Variants in CTNNA3 observed in about 807,000 individuals in gnomAD.
CTNNA3 encodes the protein catenin alpha 3, also known as catenin alpha-3.
In CTNNA3, 76 loss-of-function variants were observed where a neutral mutation model predicts 95.7. The ratio of observed to expected loss-of-function variants is 0.79; its 90% CI spans 0.66 to 0.96. The LOEUF (loss-of-function observed/expected upper bound fraction) is 0.96. Ranked by LOEUF, CTNNA3 falls within the 40% of genes least tolerant of loss-of-function variation. The pLI, the probability that CTNNA3 is intolerant of heterozygous loss-of-function variation, is 0.00. For synonymous variants in CTNNA3, 431 were observed against 374.4 expected (o/e 1.15, Z -1.74); for missense variants, 1,191 against 1,089.8 (o/e 1.09, Z -1.31).
intron 2 of CTNNA3, among the ~76,000 whole-genome samples, chr10:67,613,918 C>T (rs1489546945): frequency 1.3e-5 from 2 of 152,094 alleles, no homozygotes; most frequent in African/African-American, 2.4e-5. Flanking sequence ...TTCGTGGTCT[C>T]GCTGACTTCA....
At chr10:67,058,584 A>G (rs1564861296) in intron 7 of CTNNA3, among the ~76,000 whole-genome samples, 1 of 152,166 alleles carries the variant, frequency 6.6e-6, no homozygotes. Context: ...TATCATTCAC[A>G]TCCTCCATTG....
chr10:67,091,476 A>G (rs1857634711), intron 7 of CTNNA3, among the ~76,000 whole-genome samples: 1 of 152,042 alleles, frequency 6.6e-6, no homozygotes, highest in Admixed American at 6.6e-5. Flanking sequence ...ATAATGCTTC[A>G]GACATGACCA....
chr10:66,848,202 G>T (rs186282055), intron 7 of CTNNA3, among the ~76,000 whole-genome samples: 306 of 152,242 alleles, frequency 2.0e-3, no homozygotes, highest in Non-Finnish European at 2.8e-3. Flanking sequence ...TTCTTCTTTG[G>T]GGTAATAACA....
At chr10:66,182,506 C>T (rs988508211) in intron 13 of CTNNA3, among the ~76,000 whole-genome samples, 1 of 152,070 alleles carries the variant, frequency 6.6e-6, no homozygotes, top group Non-Finnish European at 1.5e-5. Flanking sequence ...CCGCCCGCCT[C>T]GGCCTCCCAA....
chr10:66,809,409 C>T (rs1367267394), intron 7 of CTNNA3, among the ~76,000 whole-genome samples: 2 of 151,982 alleles, frequency 1.3e-5, no homozygotes, highest in Admixed American at 6.6e-5. Flanking sequence ...ATTTTTATTG[C>T]TAATATGAAC....
chr10:66,552,347 T>C (rs1250276292), intron 10 of CTNNA3, among the ~76,000 whole-genome samples: 6 of 152,236 alleles, frequency 3.9e-5, no homozygotes, highest in Middle Eastern at 3.4e-3. Context: ...ATTACCACCA[T>C]CTATATGATG....
chr10:67,404,740 G>A (rs1012113733), intron 5 of CTNNA3, among the ~76,000 whole-genome samples: 8 of 151,792 alleles, frequency 5.3e-5, no homozygotes, highest in Non-Finnish European at 7.4e-5. Flanking sequence ...CAAGAAGATC[G>A]TCCCCAAAAC....
intron 7 of CTNNA3, among the ~76,000 whole-genome samples, chr10:67,170,365 C>T (rs1861964127): frequency 6.6e-6 from 1 of 152,144 alleles, no homozygotes; most frequent in African/African-American, 2.4e-5. Context: ...ATGGAATCAA[C>T]CTAAATGTCC....
At chr10:67,154,696 G>A (rs1015689086) in intron 7 of CTNNA3, among the ~76,000 whole-genome samples, 3 of 151,880 alleles carry the variant, frequency 2.0e-5, no homozygotes, top group South Asian at 2.1e-4. Flanking sequence ...ATCCTATAGC[G>A]ACTGCACTCA....
intron 15 of CTNNA3, among the ~76,000 whole-genome samples, chr10:66,054,521 A>T (rs542918743): frequency 1.3e-5 from 2 of 152,260 alleles, no homozygotes; most frequent in Admixed American, 1.3e-4. Flanking sequence ...ATTTGTATGT[A>T]TCCTTTTGAG....
At chr10:66,360,615 CTT>C (rs535450557) in intron 12 of CTNNA3, among the ~76,000 whole-genome samples, 2,006 of 27,904 alleles carry the variant, frequency 0.072, 18 homozygotes, top group South Asian at 0.14. Flanking sequence ...TTCTTTCTTT[CTT>C]TCTTTCTTTC....
chr10:66,758,392 G>A (rs1459346259), intron 9 of CTNNA3, among the ~76,000 whole-genome samples: 2 of 152,168 alleles, frequency 1.3e-5, no homozygotes, highest in South Asian at 2.1e-4. Flanking sequence ...TAAAGAGCAC[G>A]TCGTAGGGAC....
chr10:66,434,810 A>G (rs1459027203), intron 11 of CTNNA3, among the ~76,000 whole-genome samples: 1 of 152,148 alleles, frequency 6.6e-6, no homozygotes, highest in Non-Finnish European at 1.5e-5. Flanking sequence ...TTATTTTGAG[A>G]TATGTTCCAT....
chr10:67,345,228 G>A (rs563524520), intron 5 of CTNNA3, among the ~76,000 whole-genome samples: 1 of 152,088 alleles, frequency 6.6e-6, no homozygotes, highest in East Asian at 1.9e-4. Flanking sequence ...CAATTCTTTT[G>A]AATGTTTTAA....
intron 1 of CTNNA3, among the ~76,000 whole-genome samples, chr10:67,759,761 G>A (rs1016254103): frequency 1.3e-5 from 2 of 152,166 alleles, no homozygotes; most frequent in African/African-American, 4.8e-5. Context: ...TGTGGAAACA[G>A]CCACACGGCA....
chr10:67,570,105 T>C (rs1841933643), intron 3 of CTNNA3, among the ~76,000 whole-genome samples: 1 of 152,070 alleles, frequency 6.6e-6, no homozygotes, highest in South Asian at 2.1e-4. Flanking sequence ...ATTTGTTGTT[T>C]AATCCAATTA....
chr10:67,017,725 CTG>C (rs10586644), intron 7 of CTNNA3, among the ~76,000 whole-genome samples: 7,744 of 147,562 alleles, frequency 0.052, 448 homozygotes, highest in East Asian at 0.15. Flanking sequence ...CAAAAATCAT[CTG>C]TGTGTGTGTG....
intron 14 of CTNNA3, among the ~76,000 whole-genome samples, chr10:66,096,315 C>T (rs1238618566): frequency 1.3e-5 from 2 of 151,882 alleles, no homozygotes; most frequent in East Asian, 3.9e-4. Context: ...GTTGTACAGG[C>T]GGAGGAAAGA....
intron 7 of CTNNA3, among the ~76,000 whole-genome samples, chr10:66,903,363 T>G (rs958463778): frequency 2.0e-5 from 3 of 152,192 alleles, no homozygotes; most frequent in Non-Finnish European, 4.4e-5. Context: ...AACTAGGTAT[T>G]GATGGAATGT....
Sources: gnomAD v4.1 joint callset for allele counts (sites outside exome capture counted in the v4.1 genomes callset) on GRCh38, gnomAD v4.1.1 for gene constraint, MANE v1.5 for transcripts, NCBI Gene and HGNC (gene_info 2026-07-23, HGNC 2026-07-21) for gene names.